The following TLK1 variants were observed in gnomAD, a reference collection of about 807,000 sequenced individuals.
TLK1 encodes the protein serine/threonine-protein kinase tousled-like 1.
A neutral mutation model predicts 105.3 loss-of-function variants in TLK1; 24 were observed. The observed-to-expected ratio is 0.23, with a 90% CI of 0.17 to 0.32. The LOEUF (loss-of-function observed/expected upper bound fraction) is 0.32, where lower values mean the gene tolerates loss of function less well. TLK1 is among the 10% of genes least tolerant of loss of function. The pLI is 1.00. For synonymous variants in TLK1, 321 were observed against 310.4 expected (o/e 1.03, Z -0.36); for missense variants, 558 against 910.5 (o/e 0.61, Z 4.98).
At chr2:171,088,807 T>C (rs1321790362) in intron 2 of TLK1, among the ~76,000 whole-genome samples, 1 of 152,206 alleles carries the variant, frequency 6.6e-6, no homozygotes, top group African/African-American at 2.4e-5. Flanking sequence ...AAAATTTCAC[T>C]ACCCATATAT....
intron 2 of TLK1, among the ~76,000 whole-genome samples, chr2:171,096,132 A>C (rs1158120453): frequency 6.6e-6 from 1 of 152,238 alleles, no homozygotes; most frequent in Non-Finnish European, 1.5e-5. Context: ...ATAACCCTGA[A>C]GATTCCACCA....
intron 1 of TLK1, among the ~76,000 whole-genome samples, chr2:171,128,966 ATGTG>A (rs10609101): frequency 9.3e-5 from 14 of 150,602 alleles, no homozygotes; most frequent in East Asian, 3.9e-4. Flanking sequence ...GAGGAAGAGT[ATGTG>A]TGTGTGTGTG....
chr2:171,056,141 T>C (rs1408546156), intron 6 of TLK1, among the ~76,000 whole-genome samples: 2 of 152,036 alleles, frequency 1.3e-5, no homozygotes, highest in Admixed American at 6.5e-5. Flanking sequence ...AAGAAAGTTA[T>C]AAATTAGGAA....
intron 1 of TLK1, among the ~76,000 whole-genome samples, chr2:171,214,400 C>T (rs894538737): frequency 3.3e-5 from 5 of 152,130 alleles, no homozygotes; most frequent in South Asian, 2.1e-4. Context: ...ATGACATGTG[C>T]GCATGCATGG....
chr2:171,077,395 C>T (rs1688560028), intron 3 of TLK1, among the ~76,000 whole-genome samples: 1 of 152,202 alleles, frequency 6.6e-6, no homozygotes, highest in South Asian at 2.1e-4. Context: ...ATGACTCTTT[C>T]CTTAGCACAT....
intron 10 of TLK1, among the ~76,000 whole-genome samples, chr2:171,048,017 C>T (rs564503880): frequency 6.6e-6 from 1 of 152,266 alleles, no homozygotes; most frequent in African/African-American, 2.4e-5. Context: ...GGCATGATCT[C>T]GGCTCACTGC....
intron 8 of TLK1, among the ~76,000 whole-genome samples, chr2:171,050,945 C>T (rs777441705): frequency 2.0e-5 from 3 of 152,200 alleles, no homozygotes; most frequent in Non-Finnish European, 4.4e-5. Context: ...CTGAAGATCA[C>T]ACTTTGAGAA....
intron 1 of TLK1, among the ~76,000 whole-genome samples, chr2:171,132,537 G>C (rs1190872350): frequency 6.6e-6 from 1 of 152,150 alleles, no homozygotes; most frequent in African/African-American, 2.4e-5. Flanking sequence ...ATAATACAGC[G>C]TAGTGGTATT....
chr2:171,107,394 A>T (rs114588411), intron 2 of TLK1, among the ~76,000 whole-genome samples: 2,237 of 152,342 alleles, frequency 0.015, 49 homozygotes, highest in African/African-American at 0.052. Flanking sequence ...ACTAAATGTA[A>T]ATGTCCAATG....
intron 12 of TLK1, among the ~76,000 whole-genome samples, chr2:171,020,189 C>T (rs1050621666): frequency 6.6e-6 from 1 of 151,712 alleles, no homozygotes; most frequent in African/African-American, 2.4e-5. Context: ...TTTATAATGC[C>T]ATTCTGAAAG....
chr2:171,056,480 A>T lies in TLK1; in HGVS notation c.540T>A (p.Pro180=). Residue 180 remains proline, a synonymous_variant, in exon 6 of 21, where the codon CCT becomes CCA. Transcript: ENST00000431350. The stretch of plus-strand genomic sequence containing the variant: ...TTGAAAGATGACTTACAGATGAGGA[A>T]GGAGTGGAATGTGAATGTGAATTTT... ...SPQNSHSHST[P]SSSVRPNSPS... is the part of the protein sequence containing the mutation. 6.2e-7 allele frequency: 1 copy of T among 1,611,160 alleles called. No homozygotes were observed. Among genetic ancestry groups the T allele is most frequent in the Non-Finnish European group, 8.5e-7 (1 of 1,178,744 alleles).
intron 1 of TLK1, among the ~76,000 whole-genome samples, chr2:171,228,738 T>G (rs557216426): frequency 6.6e-6 from 1 of 152,210 alleles, no homozygotes; most frequent in Non-Finnish European, 1.5e-5. Flanking sequence ...ACACTGACTG[T>G]CTCTTTTTTA....
intron 1 of TLK1, among the ~76,000 whole-genome samples, chr2:171,126,051 A>C (rs1690853393): frequency 6.6e-6 from 1 of 152,208 alleles, no homozygotes; most frequent in African/African-American, 2.4e-5. Flanking sequence ...ATAATTTTGA[A>C]AAGGAAGAAA....
intron 1 of TLK1, among the ~76,000 whole-genome samples, chr2:171,132,104 T>C (rs908214975): frequency 6.6e-6 from 1 of 152,176 alleles, no homozygotes; most frequent in East Asian, 1.9e-4. Flanking sequence ...TGGGTAATTA[T>C]AAAGAAAAGA....
At chr2:171,084,314 A>C (rs544250871) in intron 2 of TLK1, among the ~76,000 whole-genome samples, 1 of 152,348 alleles carries the variant, frequency 6.6e-6, no homozygotes, top group South Asian at 2.1e-4. Context: ...AAGTGAGAGC[A>C]GTCTAGCCTC....
chr2:171,069,035 T>G (rs942174131), intron 3 of TLK1, among the ~76,000 whole-genome samples: 6 of 152,196 alleles, frequency 3.9e-5, no homozygotes, highest in Admixed American at 2.0e-4. Context: ...AAAAGCAACA[T>G]TTATCAGATT....
At chr2:171,189,077 C>T (rs1419040884) in intron 1 of TLK1, among the ~76,000 whole-genome samples, 2 of 151,892 alleles carry the variant, frequency 1.3e-5, no homozygotes, top group African/African-American at 4.8e-5. Flanking sequence ...AAATCAATAT[C>T]ACATCTGAAG....
intron 1 of TLK1, among the ~76,000 whole-genome samples, chr2:171,134,809 C>T (rs1691241953): frequency 6.8e-6 from 1 of 147,560 alleles, no homozygotes; most frequent in African/African-American, 2.5e-5. Flanking sequence ...CAGCTCACAC[C>T]TCAAGGGGTG....
chr2:171,070,385 T>C (rs1235771963), intron 3 of TLK1, among the ~76,000 whole-genome samples: 1 of 152,086 alleles, frequency 6.6e-6, no homozygotes, highest in Non-Finnish European at 1.5e-5. Flanking sequence ...ACTAAGTCTT[T>C]CTATTTTTGT....
Sources: gnomAD v4.1 joint callset for allele counts (sites outside exome capture counted in the v4.1 genomes callset) on GRCh38, gnomAD v4.1.1 for gene constraint, MANE v1.5 for transcripts, NCBI Gene and HGNC (gene_info 2026-07-23, HGNC 2026-07-21) for gene names.